The following TNNI3K variants were observed in gnomAD, a reference collection of about 807,000 sequenced individuals.
TNNI3K encodes the protein TNNI3 interacting kinase.
In TNNI3K, 140 loss-of-function variants were observed where a neutral mutation model predicts 114.5. The ratio of observed to expected loss-of-function variants is 1.22; its 90% CI spans 1.07 to 1.41. The LOEUF is 1.41. Among genes scored for constraint, TNNI3K ranks in the 40% most tolerant of loss-of-function variants. TNNI3K has a pLI of 0.00. For synonymous variants in TNNI3K, 347 were observed against 347.5 expected (o/e 1.00, Z 0.02); for missense variants, 1,125 against 1,007.6 (o/e 1.12, Z -1.58).
chr1:74,445,020 T>C (rs997999444), intron 20 of TNNI3K, among the ~76,000 whole-genome samples: 1 of 152,054 alleles, frequency 6.6e-6, no homozygotes, highest in African/African-American at 2.4e-5. Flanking sequence ...TTATATCTTA[T>C]ACAAAAATTA....
At chr1:74,393,446 G>A (rs1663903351) in intron 17 of TNNI3K, among the ~76,000 whole-genome samples, 2 of 152,096 alleles carry the variant, frequency 1.3e-5, no homozygotes, top group South Asian at 4.2e-4. Flanking sequence ...GGTGGAGAAA[G>A]GGCTACTTGT....
At chr1:74,415,301 C>G (rs1349550307) in intron 17 of TNNI3K, among the ~76,000 whole-genome samples, 1 of 151,828 alleles carries the variant, frequency 6.6e-6, no homozygotes, top group Non-Finnish European at 1.5e-5. Flanking sequence ...TCCTGTTTTT[C>G]TTCTACTGTG....
At chr1:74,415,035 C>T (rs1665052203) in intron 17 of TNNI3K, among the ~76,000 whole-genome samples, 1 of 152,180 alleles carries the variant, frequency 6.6e-6, no homozygotes, top group Non-Finnish European at 1.5e-5. Flanking sequence ...CATCTGGTCC[C>T]TGTGAAAACT....
At chr1:74,264,125 G>T (rs1247629752) in intron 4 of TNNI3K, among the ~76,000 whole-genome samples, 1 of 151,346 alleles carries the variant, frequency 6.6e-6, no homozygotes, top group Non-Finnish European at 1.5e-5. Context: ...CCAAAGCAAG[G>T]GTACAGATAA....
At chr1:74,465,326 G>A (rs1667623313) in intron 21 of TNNI3K, among the ~76,000 whole-genome samples, 1 of 152,220 alleles carries the variant, frequency 6.6e-6, no homozygotes, top group Admixed American at 6.5e-5. Context: ...GCCAGCATGA[G>A]TTCCCAGTGG....
At chr1:74,509,345 C>T in intron 23 of TNNI3K, among the ~76,000 whole-genome samples, 1 of 152,138 alleles carries the variant, frequency 6.6e-6, no homozygotes. Flanking sequence ...TTCAATTTTT[C>T]TCTATAATCC....
At chr1:74,476,893 T>C (rs924683102) in intron 21 of TNNI3K, among the ~76,000 whole-genome samples, 2 of 152,162 alleles carry the variant, frequency 1.3e-5, no homozygotes, top group African/African-American at 2.4e-5. Context: ...TTTTTTTCTG[T>C]TAAAGATGAA....
chr1:74,452,185 GC>G (rs1444577175), intron 20 of TNNI3K, among the ~76,000 whole-genome samples: 1 of 152,006 alleles, frequency 6.6e-6, no homozygotes, highest in East Asian at 1.9e-4. Context: ...TGACCTCTAG[GC>G]ATTTTCACAA....
intron 20 of TNNI3K, among the ~76,000 whole-genome samples, chr1:74,463,191 C>T (rs534101321): frequency 7.9e-5 from 12 of 152,210 alleles, no homozygotes; most frequent in Non-Finnish European, 1.5e-4. Flanking sequence ...CTTGCATATT[C>T]CTTCACTCCT....
chr1:74,406,756 T>C (rs975352061), intron 17 of TNNI3K, among the ~76,000 whole-genome samples: 3 of 152,188 alleles, frequency 2.0e-5, no homozygotes, highest in Admixed American at 1.3e-4. Context: ...CCTACCACAG[T>C]TCCTATTAAG....
chr1:74,379,171 C>A (rs1663072027), intron 17 of TNNI3K, among the ~76,000 whole-genome samples: 1 of 151,504 alleles, frequency 6.6e-6, no homozygotes, highest in Non-Finnish European at 1.5e-5. Context: ...AAAATGTGGT[C>A]CAAGAAGAAA....
At chr1:74,434,410 G>T (rs375092997) in intron 17 of TNNI3K, among the ~76,000 whole-genome samples, 5 of 151,662 alleles carry the variant, frequency 3.3e-5, no homozygotes, top group Non-Finnish European at 7.4e-5. Flanking sequence ...TTACACTACC[G>T]TATAAATTCA....
At chr1:74,509,692 T>C (rs1194591555) in intron 23 of TNNI3K, among the ~76,000 whole-genome samples, 1 of 151,744 alleles carries the variant, frequency 6.6e-6, no homozygotes. Flanking sequence ...GAGTGTTGTG[T>C]TTGATTTTGA....
chr1:74,437,736 A>T (rs1286260887), intron 19 of TNNI3K, among the ~76,000 whole-genome samples: 3 of 151,952 alleles, frequency 2.0e-5, no homozygotes, highest in Non-Finnish European at 2.9e-5. Flanking sequence ...CAGACATGGG[A>T]CATAGAGGCA....
intron 23 of TNNI3K, among the ~76,000 whole-genome samples, chr1:74,508,282 A>G (rs1670008097): frequency 6.6e-6 from 1 of 152,260 alleles, no homozygotes; most frequent in South Asian, 2.1e-4. Flanking sequence ...TATAATAAAA[A>G]TAGTAATAAT....
At chr1:74,390,538 T>C (rs919846807) in intron 17 of TNNI3K, among the ~76,000 whole-genome samples, 1 of 152,134 alleles carries the variant, frequency 6.6e-6, no homozygotes, top group African/African-American at 2.4e-5. Flanking sequence ...TATTTTAACG[T>C]TTCTTTTTTA....
At chr1:74,398,378 A>T (rs1211255172) in intron 17 of TNNI3K, among the ~76,000 whole-genome samples, 1 of 152,154 alleles carries the variant, frequency 6.6e-6, no homozygotes, top group Non-Finnish European at 1.5e-5. Context: ...GCCACGTGTG[A>T]TGCAATACCA....
At chr1:74,287,230 A>G (rs746073248) in intron 5 of TNNI3K, among the ~76,000 whole-genome samples, 20 of 152,328 alleles carry the variant, frequency 1.3e-4, no homozygotes, top group Non-Finnish European at 2.2e-4. Flanking sequence ...GTACATCAAC[A>G]AGTAAACCAG....
chr1:74,507,225 C>CCG (rs1553153839), intron 23 of TNNI3K, among the ~76,000 whole-genome samples: 4 of 124,148 alleles, frequency 3.2e-5, no homozygotes, highest in Non-Finnish European at 6.8e-5. Context: ...ATTTCTTCAC[C>CCG]CCCCCCCCAT....
Sources: allele counts gnomAD v4.1 joint callset (sites outside exome capture counted in the v4.1 genomes callset), GRCh38; gene constraint gnomAD v4.1.1; transcripts MANE v1.5; gene names NCBI Gene and HGNC (gene_info 2026-07-23, HGNC 2026-07-21).